Variants in SLC25A21 observed in about 807,000 individuals in gnomAD.
SLC25A21 encodes mitochondrial 2-oxodicarboxylate carrier.
SLC25A21 carries 47 observed loss-of-function variants against 43.8 expected under a neutral mutation model. The ratio of observed to expected loss-of-function variants is 1.07; its 90% CI spans 0.85 to 1.37. The LOEUF (loss-of-function observed/expected upper bound fraction) is 1.37. SLC25A21 is among the 40% of genes most tolerant of loss of function. The pLI is 0.00. For missense variants in SLC25A21, 352 were observed against 350.2 expected (o/e 1.00, Z -0.04); for synonymous variants, 131 against 121.3 (o/e 1.08, Z -0.52).
At chr14:36,995,252 C>T (rs752968238) in intron 1 of SLC25A21, among the ~76,000 whole-genome samples, 22 of 152,116 alleles carry the variant, frequency 1.4e-4, no homozygotes, top group Non-Finnish European at 2.4e-4. Context: ...ATTACAAATG[C>T]GGATTCTACA....
chr14:36,995,624 G>A (rs1445485663), intron 1 of SLC25A21, among the ~76,000 whole-genome samples: 3 of 152,112 alleles, frequency 2.0e-5, no homozygotes, highest in Non-Finnish European at 2.9e-5. Context: ...ACTTGTCATT[G>A]CCCAAGTTAA....
At position 36,753,919 on chromosome 14, in the gene SLC25A21, C is replaced by CAGAGAGAGAGAGAGAG. The variant is rs56871881; in HGVS notation, c.204-19362_204-19347dup. Among the ~76,000 whole-genome samples the CAGAGAGAGAGAGAGAG allele has an allele frequency of 3.9e-3, 511 of 129,924 alleles. 2 individuals are homozygous for CAGAGAGAGAGAGAGAG. The highest frequency in any genetic ancestry group is 6.2e-3 in the Non-Finnish European group (371 of 60,208). 85.2% of individuals were successfully genotyped at this position (129,924 alleles called of 152,430 possible). A position where few individuals can be genotyped will look rare whatever the true frequency, so the allele number is the denominator to read the frequency against. ...CTTGAGATGGCTCTCTCACTGGGGA[C>CAGAGAGAGAGAGAGAG]AGAGAGAGAGAGAGAGAGAGAGAGA... is the stretch of plus-strand genomic sequence containing the variant. On this transcript the variant is annotated intron_variant, in intron 3 of 9. Transcript: ENST00000331299.
chr14:37,163,766 T>C (rs1264727981), intron 1 of SLC25A21, among the ~76,000 whole-genome samples: 3 of 152,290 alleles, frequency 2.0e-5, no homozygotes. Flanking sequence ...AATTCAATGT[T>C]TGATAGCAGA....
At chr14:37,098,581 A>G (rs1474908277) in intron 1 of SLC25A21, 1 of 152,146 alleles carries the variant, frequency 6.6e-6, no homozygotes, top group Non-Finnish European at 1.5e-5. Context: ...TTTCCAGGAT[A>G]CTATCTGCTT....
intron 1 of SLC25A21, among the ~76,000 whole-genome samples, chr14:36,917,162 C>G (rs1479237055): frequency 6.6e-6 from 1 of 152,130 alleles, no homozygotes; most frequent in Non-Finnish European, 1.5e-5. Context: ...CCTGATATTA[C>G]TGTTCCATTA....
At chr14:36,789,895 ATTATATATAT>A (rs1471793902) in intron 3 of SLC25A21, among the ~76,000 whole-genome samples, 10 of 119,496 alleles carry the variant, frequency 8.4e-5, no homozygotes, top group African/African-American at 3.2e-4. Flanking sequence ...TAAAATATAT[ATTATATATAT>A]TTATATATAT....
intron 3 of SLC25A21, among the ~76,000 whole-genome samples, chr14:36,761,396 G>A (rs550221390): frequency 7.2e-5 from 11 of 152,286 alleles, no homozygotes; most frequent in African/African-American, 1.9e-4. Flanking sequence ...CAGAAGATGC[G>A]AACCAGGAAA....
chr14:37,019,565 T>C (rs866964275), intron 1 of SLC25A21, among the ~76,000 whole-genome samples: 16 of 151,946 alleles, frequency 1.1e-4, no homozygotes, highest in Middle Eastern at 3.4e-3. Context: ...GAAAGACATT[T>C]CAGCATATAG....
At chr14:36,686,275 A>G (rs1483090433) in intron 7 of SLC25A21, among the ~76,000 whole-genome samples, 3 of 152,244 alleles carry the variant, frequency 2.0e-5, no homozygotes, top group African/African-American at 7.2e-5. Flanking sequence ...TTGAAAACCA[A>G]CAGGGTGTTT....
At chr14:36,801,241 A>T (rs1429847) in intron 3 of SLC25A21, among the ~76,000 whole-genome samples, 20,238 of 152,012 alleles carry the variant, frequency 0.13, 1,470 homozygotes, top group Non-Finnish European at 0.17. Context: ...TTTTCCCCCT[A>T]GGTTTCTTGG....
intron 3 of SLC25A21, among the ~76,000 whole-genome samples, chr14:36,787,685 T>C (rs377114992): frequency 3.3e-5 from 5 of 152,334 alleles, no homozygotes; most frequent in African/African-American, 1.2e-4. Context: ...AAATATTGCT[T>C]TCTAGAAACT....
At chr14:36,794,935 T>C (rs761590722) in intron 3 of SLC25A21, among the ~76,000 whole-genome samples, 46 of 152,134 alleles carry the variant, frequency 3.0e-4, no homozygotes, top group Non-Finnish European at 5.9e-4. Context: ...ACAGGATTAA[T>C]TTATGGATTT....
At chr14:36,831,210 G>A (rs1889027479) in intron 2 of SLC25A21, among the ~76,000 whole-genome samples, 1 of 152,126 alleles carries the variant, frequency 6.6e-6, no homozygotes, top group Non-Finnish European at 1.5e-5. Flanking sequence ...TTAGGAAATG[G>A]ATTTATTTCA....
chr14:36,952,142 G>GA (rs936310791), intron 1 of SLC25A21, among the ~76,000 whole-genome samples: 5 of 152,028 alleles, frequency 3.3e-5, no homozygotes, highest in African/African-American at 1.2e-4. Flanking sequence ...TGAGGCAGGA[G>GA]AATCACCTGA....
intron 1 of SLC25A21, among the ~76,000 whole-genome samples, chr14:37,162,754 C>A (rs1337123840): frequency 1.3e-5 from 2 of 152,122 alleles, no homozygotes; most frequent in African/African-American, 2.4e-5. Context: ...GGATCCAGAA[C>A]TAGAAATACC....
At chr14:37,003,473 A>C (rs1960532787) in intron 1 of SLC25A21, among the ~76,000 whole-genome samples, 1 of 152,168 alleles carries the variant, frequency 6.6e-6, no homozygotes, top group African/African-American at 2.4e-5. Context: ...AGAGGGGGGG[A>C]CTATTGTATT....
chr14:36,873,890 T>G (rs1262666818), intron 2 of SLC25A21, among the ~76,000 whole-genome samples: 1 of 152,112 alleles, frequency 6.6e-6, no homozygotes, highest in Non-Finnish European at 1.5e-5. Flanking sequence ...CACCAAGAAC[T>G]GAATCAGCCA....
intron 2 of SLC25A21, among the ~76,000 whole-genome samples, chr14:36,819,271 A>G (rs1340491439): frequency 6.6e-6 from 1 of 152,194 alleles, no homozygotes; most frequent in African/African-American, 2.4e-5. Flanking sequence ...CACCAGCCAC[A>G]ATACTGAGTG....
chr14:37,088,281 A>G (rs1962522696), intron 1 of SLC25A21, among the ~76,000 whole-genome samples: 1 of 152,226 alleles, frequency 6.6e-6, no homozygotes, highest in Non-Finnish European at 1.5e-5. Flanking sequence ...ATATTTCTAC[A>G]GCTGTTGCTT....
Sources: gnomAD v4.1 joint callset for allele counts (sites outside exome capture counted in the v4.1 genomes callset) on GRCh38, gnomAD v4.1.1 for gene constraint, MANE v1.5 for transcripts, NCBI Gene and HGNC (gene_info 2026-07-23, HGNC 2026-07-21) for gene names.